The following CNTNAP2 variants were observed in gnomAD, a reference collection of about 807,000 sequenced individuals.
CNTNAP2 encodes the protein contactin associated protein 2, also known as contactin-associated protein-like 2.
A neutral mutation model predicts 155.2 loss-of-function variants in CNTNAP2; 98 were observed. The observed-to-expected ratio is 0.63, with a 90% confidence interval of 0.54 to 0.75. The LOEUF is 0.75. Among genes scored for constraint, CNTNAP2 ranks in the 30% least tolerant of loss-of-function variants. The probability of loss-of-function intolerance (pLI) is 0.00; values close to 1 mark genes in which losing one functional copy is unlikely to be tolerated. For missense variants in CNTNAP2, 1,727 were observed against 1,688.1 expected, an observed-to-expected ratio of 1.02 and a Z score of -0.40; for synonymous variants, 651 against 631.2, an observed-to-expected ratio of 1.03 and a Z score of -0.47.
At chr7:147,886,677 G>T (rs1407716865) in intron 13 of CNTNAP2, among the ~76,000 whole-genome samples, 2 of 151,848 alleles carry the variant, frequency 1.3e-5, no homozygotes, top group Non-Finnish European at 2.9e-5. Context: ...GCTTTCATGG[G>T]ACCTGAGGCA....
At chr7:146,940,048 C>A (rs750454868) in intron 3 of CNTNAP2, among the ~76,000 whole-genome samples, 3 of 152,030 alleles carry the variant, frequency 2.0e-5, no homozygotes, top group Non-Finnish European at 2.9e-5. Context: ...GGCACAATTG[C>A]CAATTTAGAA....
chr7:146,298,919 C>T (rs890414184), intron 1 of CNTNAP2, among the ~76,000 whole-genome samples: 2 of 152,084 alleles, frequency 1.3e-5, no homozygotes, highest in Non-Finnish European at 2.9e-5. Context: ...ATTTATTTAC[C>T]TTGTAATTCC....
chr7:147,951,870 G>A (rs1296232661), intron 14 of CNTNAP2, among the ~76,000 whole-genome samples: 1 of 151,600 alleles, frequency 6.6e-6, no homozygotes, highest in Non-Finnish European at 1.5e-5. Context: ...AAACCACCAT[G>A]GCACATGTAT....
intron 12 of CNTNAP2, among the ~76,000 whole-genome samples, chr7:147,595,343 A>G (rs1800808345): frequency 6.6e-6 from 1 of 152,132 alleles, no homozygotes; most frequent in Admixed American, 6.6e-5. Flanking sequence ...TGATTCACCA[A>G]TTTATGCATG....
chr7:148,077,469 T>A (rs541404185), intron 15 of CNTNAP2, among the ~76,000 whole-genome samples: 1 of 152,336 alleles, frequency 6.6e-6, no homozygotes, highest in South Asian at 2.1e-4. Flanking sequence ...TCCCCAGATG[T>A]TCCCTGCTTT....
At chr7:146,698,656 C>T (rs1024824714) in intron 1 of CNTNAP2, among the ~76,000 whole-genome samples, 1 of 152,050 alleles carries the variant, frequency 6.6e-6, no homozygotes, top group Non-Finnish European at 1.5e-5. Context: ...GATTTGTTGT[C>T]TGTCTTTGAA....
chr7:148,132,159 T>C (rs1450891553), intron 16 of CNTNAP2, among the ~76,000 whole-genome samples: 6 of 152,122 alleles, frequency 3.9e-5, no homozygotes, highest in Admixed American at 3.9e-4. Context: ...AAAAACAGTT[T>C]GTTATAAATG....
chr7:146,294,345 G>A (rs1198803660), intron 1 of CNTNAP2, among the ~76,000 whole-genome samples: 1 of 152,114 alleles, frequency 6.6e-6, no homozygotes, highest in African/African-American at 2.4e-5. Context: ...TGAGACGAAA[G>A]GATATTTGGA....
chr7:148,089,218 G>C (rs535931005), intron 15 of CNTNAP2, among the ~76,000 whole-genome samples: 1 of 152,106 alleles, frequency 6.6e-6, no homozygotes, highest in Non-Finnish European at 1.5e-5. Context: ...GAGAAAAGTT[G>C]AAAGCTCTTC....
At chr7:146,348,645 C>G (rs17170051) in intron 1 of CNTNAP2, among the ~76,000 whole-genome samples, 18,245 of 151,896 alleles carry the variant, frequency 0.12, 2,054 homozygotes, top group African/African-American at 0.3. Flanking sequence ...TTAAATCACA[C>G]TTGTTTGGAA....
chr7:147,130,545 A>C (rs1801332153), intron 7 of CNTNAP2, among the ~76,000 whole-genome samples: 1 of 152,210 alleles, frequency 6.6e-6, no homozygotes, highest in South Asian at 2.1e-4. Context: ...AAATAATTGC[A>C]GTGAGAAAAC....
chr7:146,727,233 C>T (rs758668850), intron 1 of CNTNAP2, among the ~76,000 whole-genome samples: 5 of 152,084 alleles, frequency 3.3e-5, no homozygotes, highest in Non-Finnish European at 2.9e-5. Flanking sequence ...GTGTCCTTTG[C>T]ATTGTGTAGG....
chr7:146,378,410 G>C (rs1030578254), intron 1 of CNTNAP2, among the ~76,000 whole-genome samples: 8 of 152,124 alleles, frequency 5.3e-5, no homozygotes, highest in African/African-American at 1.4e-4. Context: ...TGATGATGAT[G>C]ATGATGACAA....
intron 10 of CNTNAP2, among the ~76,000 whole-genome samples, chr7:147,399,675 AGAAATGT>A (rs1796879903): frequency 6.6e-6 from 1 of 152,232 alleles, no homozygotes; most frequent in South Asian, 2.1e-4. Flanking sequence ...ACGTCTAAGT[AGAAATGT>A]CAGGAAGAGA....
At chr7:146,660,075 T>C (rs887048438) in intron 1 of CNTNAP2, among the ~76,000 whole-genome samples, 1 of 152,240 alleles carries the variant, frequency 6.6e-6, no homozygotes, top group African/African-American at 2.4e-5. Flanking sequence ...TCTGGTAATT[T>C]AGGGTAATAA....
At chr7:148,250,866 G>A (rs1175041946) in intron 20 of CNTNAP2, among the ~76,000 whole-genome samples, 1 of 152,054 alleles carries the variant, frequency 6.6e-6, no homozygotes, top group Non-Finnish European at 1.5e-5. Context: ...GCTCTGTTTA[G>A]AGTCGGAGTC....
In CNTNAP2 at chr7:147,114,780, CTT is replaced by C. The variant is rs1249119930; in HGVS notation, c.755-6196_755-6195del. Reference sequence around the variant, plus strand: ...CTTTATCCAGCTTGCCAGTCTGTGTCTTTTAACTGGGGCATTTAACCCATTTA... The same window carrying C: ...CTTTATCCAGCTTGCCAGTCTGTGTCTTAACTGGGGCATTTAACCCATTTA... On this transcript the variant is annotated intron_variant, in intron 5 of 23. Coordinates refer to ENST00000361727, the MANE Select transcript of CNTNAP2 (RefSeq NM_014141.6). Among the ~76,000 whole-genome samples, 12 of 152,258 alleles carry C rather than the reference CTT, an allele frequency of 7.9e-5. No individual in the cohort carries two copies. The South Asian group carries it at 2.3e-3, about 29-fold the overall frequency.
intron 14 of CNTNAP2, among the ~76,000 whole-genome samples, chr7:147,925,149 G>C (rs1800363502): frequency 1.4e-5 from 1 of 72,464 alleles, no homozygotes; most frequent in Admixed American, 1.6e-4. Context: ...GAGAGAGAGA[G>C]AGAGAGAAGG....
chr7:147,548,351 G>A (rs551900855), intron 11 of CNTNAP2, among the ~76,000 whole-genome samples: 2 of 152,184 alleles, frequency 1.3e-5, no homozygotes, highest in Non-Finnish European at 1.5e-5. Flanking sequence ...TTTCTCTGAC[G>A]ATCAGTGAAT....
Sources: gnomAD v4.1 joint callset for allele counts (sites outside exome capture counted in the v4.1 genomes callset) on GRCh38, gnomAD v4.1.1 for gene constraint, MANE v1.5 for transcripts, NCBI Gene and HGNC (gene_info 2026-07-23, HGNC 2026-07-21) for gene names.